Variants in ZNFX1 observed in about 807,000 individuals in gnomAD.
ZNFX1 encodes NFX1-type zinc finger-containing protein 1.
A neutral mutation model predicts 179.8 loss-of-function variants in ZNFX1; 78 were observed. That is an observed-to-expected ratio of 0.43 (90% CI 0.36 to 0.52). ZNFX1 has a LOEUF of 0.52. Among genes scored for constraint, ZNFX1 ranks in the 20% least tolerant of loss-of-function variants. The pLI is 0.00. For missense variants in ZNFX1, 1,927 were observed against 2,386.6 expected, an observed-to-expected ratio of 0.81 and a Z score of 4.01; for synonymous variants, 848 against 868.5, an observed-to-expected ratio of 0.98 and a Z score of 0.42.
At chr20:49,252,661 G>A in intron 12 of ZNFX1, 59 bp downstream of exon 12, 1 of 1,285,222 alleles carries the variant, frequency 7.8e-7, no homozygotes, top group East Asian at 2.3e-5. Flanking sequence ...CTGGCAACTG[G>A]CAGCTTCCCA....
At chr20:49,250,789 T>G (rs1356194321) in intron 13 of ZNFX1, among the ~76,000 whole-genome samples, 1 of 152,098 alleles carries the variant, frequency 6.6e-6, no homozygotes, top group East Asian at 1.9e-4. Flanking sequence ...TGACCTCAGG[T>G]GATCCACCCA....
chr20:49,270,700 G>A lies in ZNFX1; in HGVS notation c.1112C>T (p.Thr371Ile). ...ATCTTCTCGCAGGAGCCGGAAGTGG[G>A]TATCCAGATAGATAGCAGTGCTGTC... ...KYDSTAIYLDTHFRLLREDFV... is the reference protein window; with the variant it reads ...KYDSTAIYLDIHFRLLREDFV... Residue 371 changes from threonine (T) to isoleucine (I), a missense_variant, in exon 3 of 14, where the codon ACC (threonine) becomes ATC (isoleucine). By Grantham distance (89) the Thr-to-Ile change is moderately conservative (BLOSUM62 -1). Coordinates refer to ENST00000396105, the MANE Select transcript of ZNFX1 (RefSeq NM_021035.3). The surrounding 1 kb of genome is among the most constrained non-coding windows in gnomAD (Gnocchi z 4.6). The A allele has an allele frequency of 6.2e-7, 1 of 1,614,158 alleles. No individual in the cohort carries two copies. The highest frequency in any genetic ancestry group is 8.5e-7 in the Non-Finnish European group (1 of 1,180,022).
Position 49,249,421 on chromosome 20 carries a change from C to T in ZNFX1, c.3603G>A (p.Arg1201=), listed in dbSNP as rs1224149461. 1 of 1,614,110 alleles carries T rather than the reference C, an allele frequency of 6.2e-7. No homozygotes were observed. The highest frequency in any genetic ancestry group is 8.5e-7 in the Non-Finnish European group (1 of 1,180,056). The change falls in exon 14 of 14, where the codon CGG becomes CGA. Residue 1201 remains arginine, a synonymous_variant. Transcript: ENST00000396105. The stretch of plus-strand genomic sequence containing the variant: ...AACCCACCTTGCCTTCTTGGTTGCT[C>T]CGCACTAGCGAGAGGAGGATGATGT... ...ENDIILLSLV[R]SNQEGKVGFL...
chr20:49,275,671 C>T (rs1981538969), intron 2 of ZNFX1, 108 bp downstream of exon 2: 8 of 1,072,454 alleles, frequency 7.5e-6, no homozygotes, highest in Admixed American at 4.0e-5. Context: ...TCATTCTTTA[C>T]TTGAGAGATG....
intron 12 of ZNFX1, among the ~76,000 whole-genome samples, chr20:49,251,842 CTTT>C (rs71186445): frequency 1.6e-4 from 22 of 134,208 alleles, no homozygotes; most frequent in Middle Eastern, 3.8e-3. Flanking sequence ...ATTTTTCTTT[CTTT>C]TTTTTTTTTT....
At position 49,271,681 on chromosome 20, in the gene ZNFX1, C is replaced by G; in HGVS notation, c.131G>C (p.Arg44Pro). The G allele has an allele frequency of 6.2e-7, 1 of 1,613,758 alleles. No individual in the cohort carries two copies. Among genetic ancestry groups the G allele is most frequent in the Non-Finnish European group, 8.5e-7 (1 of 1,179,916 alleles). ...QANNPPANAL[R>P]GGASHPGRHP... ...CCTTCCAGGGTGGCTGGCTCCTCCTCGGAGAGCATTGGCTGGTGGGTTATT... is the reference window on the plus strand; with the variant it reads ...CCTTCCAGGGTGGCTGGCTCCTCCTGGGAGAGCATTGGCTGGTGGGTTATT... Residue 44 changes from arginine (R) to proline (P), a missense_variant, in exon 3 of 14, where the codon CGA becomes CCA. By Grantham distance (103) the Arg-to-Pro change is moderately radical (BLOSUM62 -2). Coordinates refer to ENST00000396105, the MANE Select transcript of ZNFX1 (RefSeq NM_021035.3).
intron 1 of ZNFX1, among the ~76,000 whole-genome samples, chr20:49,277,606 G>T (rs1981612627): frequency 6.6e-6 from 1 of 151,738 alleles, no homozygotes; most frequent in South Asian, 2.1e-4. Flanking sequence ...GGGGTGCTGG[G>T]GAGAGCGACG....
chr20:49,258,370 G>C, intron 7 of ZNFX1, among the ~76,000 whole-genome samples: 1 of 152,128 alleles, frequency 6.6e-6, no homozygotes, highest in Non-Finnish European at 1.5e-5. Flanking sequence ...TTACAGGTGT[G>C]AGCCACTGCA....
intron 9 of ZNFX1, among the ~76,000 whole-genome samples, chr20:49,255,560 A>G (rs1381503607): frequency 6.6e-6 from 1 of 152,048 alleles, no homozygotes; most frequent in Non-Finnish European, 1.5e-5. Context: ...TTAATTTGTT[A>G]CCCTGGATAG....
chr20:49,273,577 T>C (rs1465251844), intron 2 of ZNFX1, among the ~76,000 whole-genome samples: 1 of 152,238 alleles, frequency 6.6e-6, no homozygotes, highest in African/African-American at 2.4e-5. Flanking sequence ...TTAATATTTT[T>C]ATCTGATTAG....
intron 2 of ZNFX1, among the ~76,000 whole-genome samples, chr20:49,275,098 G>T (rs1457012935): frequency 6.6e-6 from 1 of 151,214 alleles, no homozygotes; most frequent in Non-Finnish European, 1.5e-5. Context: ...ACTCCAGCCT[G>T]GGCGAAAGAG....
At position 49,257,369 on chromosome 20, in the gene ZNFX1, C is replaced by T. The variant is rs183545529; in HGVS notation, c.2664+48G>A. 3.5e-4 allele frequency: 561 copies of T among 1,602,010 alleles called. 4 individuals are homozygous for T. In the African/African-American group the frequency reaches 5.8e-3, roughly 16 times the overall value. On this transcript the variant is annotated intron_variant, in intron 8 of 13. Transcript: ENST00000396105. ...TGTATCAGAAGTGGGGGAAAACAAG[C>T]GGTCAGAACACTCTCAGGCCTGTTT... is the stretch of plus-strand genomic sequence containing the variant.
At chr20:49,251,752 C>G (rs1372118212) in intron 12 of ZNFX1, 130 bp from the exon 13 acceptor site, 3 of 640,478 alleles carry the variant, frequency 4.7e-6, no homozygotes, top group Non-Finnish European at 7.7e-6. Flanking sequence ...AATCCCATCA[C>G]TTTGGGAAGC....
At chr20:49,263,630 G>A (rs1013581765) in intron 5 of ZNFX1, 147 bp from the exon 6 acceptor site, 15 of 987,182 alleles carry the variant, frequency 1.5e-5, no homozygotes, top group Admixed American at 2.4e-5. Flanking sequence ...ATTTCCCAAG[G>A]CACATTATTG....
intron 3 of ZNFX1, among the ~76,000 whole-genome samples, chr20:49,267,678 G>A (rs571116215): frequency 6.6e-6 from 1 of 152,106 alleles, no homozygotes; most frequent in East Asian, 1.9e-4. Flanking sequence ...GTGGCACCTG[G>A]GGAGAAAGGT....
chr20:49,248,632 G>C lies in ZNFX1; in HGVS notation c.4392C>G (p.Pro1464=), dbSNP rs779859328. 4.2e-5 allele frequency: 68 copies of C among 1,613,868 alleles called. No homozygotes were observed. The highest frequency in any genetic ancestry group is 5.3e-5 in the Non-Finnish European group (62 of 1,180,058). The part of the protein sequence containing the change: ...EGRFHERCQQ[P]CKRLLICSHK... ...GTGAGCAGATAAGCAGGCGCTTGCA[G>C]GGCTGCTGACAGCGTTCATGGAAAC... Residue 1464 remains proline, a synonymous_variant, in exon 14 of 14, where the codon CCC becomes CCG. Transcript: ENST00000396105. This position sits in a 1 kb window ranked among gnomAD's most constrained non-coding sequence, Gnocchi z 4.6.
intron 3 of ZNFX1, among the ~76,000 whole-genome samples, chr20:49,267,432 T>C (rs1981264220): frequency 6.6e-6 from 1 of 151,962 alleles, no homozygotes; most frequent in Non-Finnish European, 1.5e-5. Flanking sequence ...CCCAAGTACT[T>C]GGTACTACAG....
chr20:49,248,869 T>C lies in ZNFX1; in HGVS notation c.4155A>G (p.Arg1385=), dbSNP rs1041764757. ...AGTCCTCACCACATGGGTGGCTGCA[T>C]CTGTGCCCACATCTCAGAGACTTGG... ...PCSKSLRCGH[R]CSHPCGEDCV... is the part of the protein sequence containing the mutation. The change falls in exon 14 of 14, where the codon AGA becomes AGG. Residue 1385 remains arginine (R), a synonymous_variant. Transcript: ENST00000396105. This position sits in a 1 kb window ranked among gnomAD's most constrained non-coding sequence, Gnocchi z 4.6. The C allele has an allele frequency of 6.2e-7, 1 of 1,613,498 alleles. No individual in the cohort carries two copies.
chr20:49,253,110 C>T (rs865899327), intron 11 of ZNFX1, among the ~76,000 whole-genome samples: 1 of 152,138 alleles, frequency 6.6e-6, no homozygotes, highest in Non-Finnish European at 1.5e-5. Flanking sequence ...GCCAGTTCTT[C>T]AGTCATTTGA....
Sources: gnomAD v4.1 joint callset for allele counts (sites outside exome capture counted in the v4.1 genomes callset) on GRCh38, gnomAD v4.1.1 for gene constraint, Gnocchi (gnomAD v3.1) non-coding constraint, MANE v1.5 for transcripts, NCBI Gene and HGNC (gene_info 2026-07-23, HGNC 2026-07-21) for gene names.